The following STARD9 variants were observed in gnomAD, a reference collection of about 807,000 sequenced individuals.
STARD9 encodes the protein stAR-related lipid transfer protein 9.
In STARD9, 346 loss-of-function variants were observed where a neutral mutation model predicts 399.8. That is an observed-to-expected ratio of 0.87 (90% CI 0.79 to 0.95). STARD9 has a LOEUF of 0.95. STARD9 is among the 40% of genes least tolerant of loss of function. The probability of loss-of-function intolerance (pLI) is 0.00; values close to 1 mark genes in which losing one functional copy is unlikely to be tolerated. For missense variants in STARD9, 5,832 were observed against 5,667.5 expected (o/e 1.03, Z -0.93); for synonymous variants, 2,203 against 2,143.5 (o/e 1.03, Z -0.77).
chr15:42,691,631 T>C lies in STARD9; in HGVS notation c.10053T>C (p.Asp3351=). ...AGCCTCCTTCCCCTACAGACGAAGATACACAGGGGCCTAACAGATTGTGGA... is the reference window on the plus strand; with the variant it reads ...AGCCTCCTTCCCCTACAGACGAAGACACACAGGGGCCTAACAGATTGTGGA... ...SVEPPSPTDE[D]TQGPNRLWNP... Residue 3351 remains aspartate, a synonymous_variant, in exon 23 of 33, where the codon GAT becomes GAC. Transcript: ENST00000290607. 6.5e-7 allele frequency: 1 copy of C among 1,537,230 alleles called. No individual in the cohort carries two copies. The highest frequency in any genetic ancestry group is 8.7e-7 in the Non-Finnish European group (1 of 1,146,910).
chr15:42,682,616 T>A (rs1566931632), intron 22 of STARD9, 41 bp downstream of exon 22: 1 of 1,454,806 alleles, frequency 6.9e-7, no homozygotes, highest in East Asian at 2.5e-5. Flanking sequence ...TCGGTTAAAG[T>A]TTACAACCTT....
intron 21 of STARD9, 117 bp downstream of exon 21, chr15:42,681,729 A>G (rs1249319670): frequency 1.5e-5 from 14 of 950,654 alleles, no homozygotes; most frequent in East Asian, 8.0e-5. Flanking sequence ...AATCTTTGGT[A>G]TTAGGTGTTC....
At position 42,634,884 on chromosome 15, in the gene STARD9, TG is replaced by T. The variant is rs769249865; in HGVS notation, c.264del (p.Ser89LeufsTer34). On this transcript the variant is annotated frameshift_variant, in exon 4 of 33. Transcript: ENST00000290607. LOFTEE classifies it high-confidence loss of function. ...TTCCAGGATTTAGGGATGGAAGTAC[TG>T]TCTGGAGTTGCCAAAGGCTATAACA... ...VVFQDLGMEV[L>X]SGVAKGYNIC... 6.5e-7 allele frequency: 1 copy of T among 1,535,862 alleles called. No homozygotes were observed. Among genetic ancestry groups the T allele is most frequent in the South Asian group, 1.2e-5 (1 of 83,864 alleles).
At chr15:42,651,445 G>C (rs1232059686) in intron 8 of STARD9, among the ~76,000 whole-genome samples, 1 of 152,092 alleles carries the variant, frequency 6.6e-6, no homozygotes, top group South Asian at 2.1e-4. Flanking sequence ...TAGTGTAAAA[G>C]GTTCATAAAA....
rs879621525 is a variant in STARD9 at position 42,578,998 on chromosome 15, C to T, written c.47+3236C>T. Reference sequence around the variant, plus strand: ...TCTCACCCTGGGATCTGATTTCTTACTAAGAAAGTTCAGGGCACCAAATCC... The same window carrying T: ...TCTCACCCTGGGATCTGATTTCTTATTAAGAAAGTTCAGGGCACCAAATCC... On this transcript the variant is annotated intron_variant, in intron 1 of 32. Coordinates refer to ENST00000290607, the MANE Select transcript of STARD9 (RefSeq NM_020759.3). Among the ~76,000 whole-genome samples, 18 of 152,170 alleles carry T rather than the reference C, an allele frequency of 1.2e-4. 1 individual carries two copies. The highest frequency in any genetic ancestry group is 2.1e-4 in the Non-Finnish European group (14 of 68,042).
intron 29 of STARD9, 84 bp downstream of exon 29, chr15:42,717,879 C>G: frequency 6.7e-7 from 1 of 1,500,206 alleles, no homozygotes; most frequent in Admixed American, 2.0e-5. Flanking sequence ...TTTCCCTTAC[C>G]TGGATTCCTC....
chr15:42,673,657 A>G (rs2060248575), intron 16 of STARD9, among the ~76,000 whole-genome samples: 1 of 152,224 alleles, frequency 6.6e-6, no homozygotes, highest in East Asian at 1.9e-4. Flanking sequence ...ACTCAGCATA[A>G]TGCCTAGGAC....
chr15:42,698,880 T>A (rs1339149776), intron 26 of STARD9, among the ~76,000 whole-genome samples: 2 of 152,156 alleles, frequency 1.3e-5, no homozygotes, highest in African/African-American at 4.8e-5. Flanking sequence ...TTAGACAGTT[T>A]ATCTTTGCCT....
chr15:42,578,203 T>G (rs572990139), intron 1 of STARD9, among the ~76,000 whole-genome samples: 1 of 151,778 alleles, frequency 6.6e-6, no homozygotes, highest in Non-Finnish European at 1.5e-5. Flanking sequence ...CTCCGCCTCC[T>G]GGGTTCAAGC....
At chr15:42,601,270 A>G (rs2058618363) in intron 3 of STARD9, among the ~76,000 whole-genome samples, 1 of 152,272 alleles carries the variant, frequency 6.6e-6, no homozygotes, top group East Asian at 1.9e-4. Flanking sequence ...ACTTCTTTCT[A>G]CGCAGACACA....
At position 42,691,933 on chromosome 15, in the gene STARD9, C is replaced by G. The variant is rs1045659127; in HGVS notation, c.10355C>G (p.Ser3452Cys). Residue 3452 changes from serine (S) to cysteine (C), a missense_variant, in exon 23 of 33, where the codon TCT becomes TGT. Ser to Cys is a moderately radical substitution (Grantham distance 112, BLOSUM62 -1). Transcript: ENST00000290607. Reference protein sequence around the residue: ...GVQVRPENWCSQMDKGMLHFG... With the variant: ...GVQVRPENWCCQMDKGMLHFG... ...CAGGTTAGGCCAGAAAATTGGTGCT[C>G]TCAGATGGACAAAGGAATGCTGCAC... is the stretch of plus-strand genomic sequence containing the variant. 1.4e-5 allele frequency: 21 copies of G among 1,537,142 alleles called. No individual in the cohort carries two copies. The highest frequency in any genetic ancestry group is 2.0e-5 in the Admixed American group (1 of 50,982).
Position 42,685,933 on chromosome 15 carries a change from G to A in STARD9, c.4355G>A (p.Gly1452Asp), listed in dbSNP as rs751509843. ...GRCIPDMTQQGSSEASHNSSV... is the reference protein window; with the variant it reads ...GRCIPDMTQQDSSEASHNSSV... ...TGTATCCCTGACATGACCCAGCAGG[G>A]CAGCTCTGAAGCATCCCACAATTCT... Residue 1452 changes from glycine to aspartate, a missense_variant, in exon 23 of 33, where the codon GGC becomes GAC. Transcript: ENST00000290607. The A allele has an allele frequency of 1.6e-5, 25 of 1,537,094 alleles. No homozygotes were observed. The South Asian group carries it at 3.0e-4, about 18-fold the overall frequency.
At chr15:42,607,194 CTTTTTTT>C (rs763484090) in intron 3 of STARD9, among the ~76,000 whole-genome samples, 21 of 39,266 alleles carry the variant, frequency 5.3e-4, no homozygotes, top group East Asian at 2.2e-3. Flanking sequence ...TTTTCTGGTG[CTTTTTTT>C]TTTTTTTTTT....
chr15:42,628,157 G>A (rs1263200694), intron 3 of STARD9, among the ~76,000 whole-genome samples: 1 of 151,996 alleles, frequency 6.6e-6, no homozygotes, highest in Non-Finnish European at 1.5e-5. Context: ...ACTCATTGTA[G>A]TTTCAATTTG....
rs1566950912 is a variant in STARD9, at chr15:42,693,805, C to G, written c.12227C>G (p.Pro4076Arg). The change falls in exon 23 of 33, where the codon CCT (proline) becomes CGT (arginine). Residue 4076 changes from proline to arginine, a missense_variant. Around this residue, in one of 2 missense-constraint regions of STARD9, gnomAD observed 5,828 missense variants for 5,651.1 expected, o/e 1.03. Transcript: ENST00000290607. ...GAACCACAACGCACTCTGGACCGACCTTCTTCATGGGGAGGCCTCCAGCAC... is the reference window on the plus strand; with the variant it reads ...GAACCACAACGCACTCTGGACCGACGTTCTTCATGGGGAGGCCTCCAGCAC... ...PGEPQRTLDR[P>R]SSWGGLQHLS... The G allele has an allele frequency of 2.0e-6, 3 of 1,536,268 alleles. No individual in the cohort carries two copies. The Admixed American group carries it at 5.9e-5, about 30-fold the overall frequency.
rs114641497 is a variant in STARD9 at position 42,680,000 on chromosome 15, C to T, written c.1875-1422C>T. Among the ~76,000 whole-genome samples the T allele has an allele frequency of 5.0e-3, 763 of 152,266 alleles. 4 individuals carry two copies. Among genetic ancestry groups the T allele is most frequent in the African/African-American group, 0.018 (737 of 41,540 alleles). On this transcript the variant is annotated intron_variant, in intron 20 of 32. Coordinates refer to ENST00000290607, the MANE Select transcript of STARD9 (RefSeq NM_020759.3). ...CTCCAAGCTTCCAAGTCATGACATCCTGGGATTGTGGGGAAGGCTAGATAA... is the reference window on the plus strand; with the variant it reads ...CTCCAAGCTTCCAAGTCATGACATCTTGGGATTGTGGGGAAGGCTAGATAA...
chr15:42,663,791 T>C (rs768388969), intron 12 of STARD9, 29 bp from the exon 13 acceptor site: 5 of 1,475,392 alleles, frequency 3.4e-6, no homozygotes, highest in East Asian at 2.5e-5. Flanking sequence ...TGGGCTGGCA[T>C]GTTTTTAAAC....
intron 4 of STARD9, among the ~76,000 whole-genome samples, chr15:42,636,142 C>A (rs112280534): frequency 1.6e-4 from 25 of 152,168 alleles, no homozygotes; most frequent in African/African-American, 5.8e-4. Flanking sequence ...ACAAAAAATA[C>A]AAAAGTTAGC....
At chr15:42,588,166 A>T (rs2058317437) in intron 3 of STARD9, among the ~76,000 whole-genome samples, 1 of 152,026 alleles carries the variant, frequency 6.6e-6, no homozygotes, top group South Asian at 2.1e-4. Flanking sequence ...CATTTGATAA[A>T]TCAGTCATCT....
Sources: gnomAD v4.1 joint callset for allele counts (sites outside exome capture counted in the v4.1 genomes callset) on GRCh38, gnomAD v4.1.1 for gene constraint, gnomAD v4.1.1 regional missense constraint, MANE v1.5 for transcripts, NCBI Gene and HGNC (gene_info 2026-07-23, HGNC 2026-07-21) for gene names.